The following RAB33A variants were observed in gnomAD, a reference collection of about 807,000 sequenced individuals.
The protein encoded by RAB33A is ras-related protein Rab-33A.
Under a neutral mutation model 12.0 loss-of-function variants are expected in RAB33A, and 6 were observed. The observed-to-expected ratio is 0.50, with a 90% CI of 0.27 to 0.99. RAB33A has a LOEUF of 0.99. Ranked by LOEUF, RAB33A falls within the 50% of genes least tolerant of loss-of-function variation. RAB33A has a pLI of 0.11. For synonymous variants in RAB33A, 70 were observed against 82.4 expected (o/e 0.85, Z 0.81); for missense variants, 109 against 192.0 (o/e 0.57, Z 2.55).
the RAB33A span, chrX:130,137,499 C>G: frequency 2.6e-6 from 3 of 1,167,386 alleles, no homozygotes; most frequent in Non-Finnish European, 3.4e-6. Context: ...AAGCATCCTC[C>G]TGAAAAGATG....
chrX:130,115,894 T>A, the RAB33A span, among the ~76,000 whole-genome samples: 3 of 110,855 alleles, frequency 2.7e-5, no homozygotes, highest in African/African-American at 9.9e-5. Context: ...TTGCATTCAA[T>A]AACCCCAGGT....
At chrX:130,156,033 CTGT>C in the RAB33A span, among the ~76,000 whole-genome samples, 1 of 111,721 alleles carries the variant, frequency 9.0e-6, no homozygotes, top group Non-Finnish European at 1.9e-5. Flanking sequence ...TGATTGAAGG[CTGT>C]TGTTTTTTTA....
chrX:130,118,876 C>T, the RAB33A span, among the ~76,000 whole-genome samples: 3 of 111,290 alleles, frequency 2.7e-5, no homozygotes, highest in South Asian at 1.1e-3. Context: ...ATGTCGGGTC[C>T]CCTCGTGCAT....
chrX:130,116,744 G>A, the RAB33A span, among the ~76,000 whole-genome samples: 1 of 112,372 alleles, frequency 8.9e-6, no homozygotes, highest in South Asian at 3.6e-4. Context: ...TGGGGATGGA[G>A]GTGGACTCAG....
At position 130,172,148 on chromosome X, in the gene RAB33A, A is replaced by G; in HGVS notation, c.86A>G (p.Asp29Gly). Residue 29 changes from aspartate to glycine, a missense_variant, in exon 1 of 2, where the codon GAC (aspartate) becomes GGC (glycine). Asp to Gly is a moderately conservative substitution (Grantham distance 94, BLOSUM62 -1). Transcript: ENST00000257017. ...LASLELDSSLDQYVQIRIFKI... is the reference protein window; with the variant it reads ...LASLELDSSLGQYVQIRIFKI... ...TCCCTGGAGCTCGACTCGTCGCTGGACCAGTACGTGCAGATTCGCATCTTC... is the reference window on the plus strand; with the variant it reads ...TCCCTGGAGCTCGACTCGTCGCTGGGCCAGTACGTGCAGATTCGCATCTTC... The G allele has an allele frequency of 8.3e-7, 1 of 1,212,045 alleles. No homozygotes were observed. Among genetic ancestry groups the G allele is most frequent in the East Asian group, 3.0e-5 (1 of 33,809 alleles).
At chrX:130,142,229 G>A in the RAB33A span, among the ~76,000 whole-genome samples, 2 of 111,638 alleles carry the variant, frequency 1.8e-5, no homozygotes, top group Non-Finnish European at 1.9e-5. Context: ...CATATGACAT[G>A]TGCAATCTAG....
At chrX:130,165,277 G>T in the RAB33A span, among the ~76,000 whole-genome samples, 1 of 110,359 alleles carries the variant, frequency 9.1e-6, no homozygotes, top group Admixed American at 9.6e-5. Context: ...GGGAGGCGCC[G>T]ACAGCCAGTT....
At chrX:130,159,603 T>A in the RAB33A span, among the ~76,000 whole-genome samples, 1 of 110,818 alleles carries the variant, frequency 9.0e-6, no homozygotes, top group Non-Finnish European at 1.9e-5. Flanking sequence ...TAAAAATAAA[T>A]TTTTTTTGTT....
the RAB33A span, chrX:130,147,856 G>T: frequency 4.1e-6 from 5 of 1,211,572 alleles, no homozygotes; most frequent in Non-Finnish European, 5.6e-6. Flanking sequence ...TTGTCTTGAG[G>T]AACTTCCTCT....
chrX:130,174,640 G>A (rs2031646173), intron 1 of RAB33A, among the ~76,000 whole-genome samples: 1 of 112,034 alleles, frequency 8.9e-6, no homozygotes, highest in Admixed American at 9.5e-5. Flanking sequence ...CCGAGGTCTG[G>A]CCTAGACCAT....
chrX:130,162,255 T>C, the RAB33A span, among the ~76,000 whole-genome samples: 1 of 112,004 alleles, frequency 8.9e-6, no homozygotes, highest in African/African-American at 3.2e-5. Flanking sequence ...AGACTCCAGA[T>C]TGCTCAGTTT....
At chrX:130,148,171 T>C in the RAB33A span, among the ~76,000 whole-genome samples, 1 of 112,237 alleles carries the variant, frequency 8.9e-6, no homozygotes. Context: ...CTAAAACATT[T>C]AGAAAGTATA....
the RAB33A span, among the ~76,000 whole-genome samples, chrX:130,156,815 T>G: frequency 8.9e-6 from 1 of 111,740 alleles, no homozygotes; most frequent in Non-Finnish European, 1.9e-5. Context: ...AGAGTAAAAT[T>G]TAATGCTGTC....
chrX:130,152,744 A>C, the RAB33A span, among the ~76,000 whole-genome samples: 126 of 112,034 alleles, frequency 1.1e-3, no homozygotes, highest in Non-Finnish European at 2.0e-3. Flanking sequence ...AAAAACTCTC[A>C]CATCAATGCG....
the RAB33A span, among the ~76,000 whole-genome samples, chrX:130,125,605 A>T: frequency 9.1e-6 from 1 of 109,709 alleles, no homozygotes; most frequent in Non-Finnish European, 1.9e-5. Flanking sequence ...GGGATATGGC[A>T]GCAGCCAAAC....
chrX:130,121,361 C>T, the RAB33A span, among the ~76,000 whole-genome samples: 12 of 107,911 alleles, frequency 1.1e-4, no homozygotes, highest in African/African-American at 4.1e-4. Context: ...AGCGATTCTC[C>T]TGCCTCAGCC....
chrX:130,157,961 A>G, the RAB33A span, among the ~76,000 whole-genome samples: 52 of 103,890 alleles, frequency 5.0e-4, no homozygotes, highest in African/African-American at 1.7e-3. Flanking sequence ...CTCAAAAAAA[A>G]AAAAAAAGAA....
chrX:130,162,210 G>C, the RAB33A span, among the ~76,000 whole-genome samples: 1 of 111,853 alleles, frequency 8.9e-6, no homozygotes, highest in African/African-American at 3.3e-5. Context: ...CTACTATTCT[G>C]AATATGAGAA....
At chrX:130,151,289 C>A in the RAB33A span, among the ~76,000 whole-genome samples, 1 of 109,841 alleles carries the variant, frequency 9.1e-6, no homozygotes, top group African/African-American at 3.3e-5. Flanking sequence ...TACAGGCACA[C>A]GCCACCATGC....
Sources: gnomAD v4.1 joint callset for allele counts (sites outside exome capture counted in the v4.1 genomes callset) on GRCh38, gnomAD v4.1.1 for gene constraint, MANE v1.5 for transcripts, NCBI Gene and HGNC (gene_info 2026-07-23, HGNC 2026-07-21) for gene names.